POLR3B: variants seen among roughly 807,000 people sequenced by gnomAD.
The protein encoded by POLR3B is RNA polymerase III subunit B.
POLR3B carries 96 observed loss-of-function variants against 147.4 expected under a neutral mutation model. That is an observed-to-expected ratio of 0.65 (90% CI 0.55 to 0.77). The LOEUF (loss-of-function observed/expected upper bound fraction) is 0.77, where lower values mean the gene tolerates loss of function less well. Among genes scored for constraint, POLR3B ranks in the 30% least tolerant of loss-of-function variants. POLR3B has a pLI of 0.00. For missense variants in POLR3B, 1,036 were observed against 1,413.5 expected (o/e 0.73, Z 4.28); for synonymous variants, 461 against 485.9 (o/e 0.95, Z 0.67).
chr12:106,421,738 C>T (rs555086488), intron 12 of POLR3B, among the ~76,000 whole-genome samples: 10 of 152,062 alleles, frequency 6.6e-5, no homozygotes, highest in South Asian at 4.1e-4. Context: ...CTGGCTCTAT[C>T]GCCCAGGCTG....
intron 10 of POLR3B, among the ~76,000 whole-genome samples, chr12:106,393,591 A>G (rs937498991): frequency 1.3e-5 from 2 of 148,438 alleles, no homozygotes; most frequent in Non-Finnish European, 3.0e-5. Flanking sequence ...TGCTTTAGGC[A>G]TCCAGTTGTA....
At chr12:106,371,293 G>A (rs1219764772) in intron 6 of POLR3B, among the ~76,000 whole-genome samples, 2 of 152,160 alleles carry the variant, frequency 1.3e-5, no homozygotes, top group Non-Finnish European at 2.9e-5. Flanking sequence ...GAAACAACAG[G>A]TGCTGGAGAG....
chr12:106,388,064 A>G (rs1442055860), intron 9 of POLR3B, among the ~76,000 whole-genome samples: 1 of 152,244 alleles, frequency 6.6e-6, no homozygotes, highest in African/African-American at 2.4e-5. Flanking sequence ...TGACAGGAAC[A>G]GCAGGGTTTC....
chr12:106,468,148 C>G (rs2038033016), intron 23 of POLR3B, among the ~76,000 whole-genome samples: 3 of 152,134 alleles, frequency 2.0e-5, no homozygotes, highest in Non-Finnish European at 4.4e-5. Flanking sequence ...TTGGTCTATT[C>G]AGAGATTCAA....
intron 10 of POLR3B, 142 bp downstream of exon 10, chr12:106,393,295 CT>C: frequency 8.1e-7 from 1 of 1,233,928 alleles, no homozygotes; most frequent in South Asian, 1.2e-5. Context: ...AGTGAAGTTT[CT>C]TTAACTCACT....
chr12:106,405,592 C>A (rs559417528), intron 10 of POLR3B, among the ~76,000 whole-genome samples: 15 of 125,070 alleles, frequency 1.2e-4, no homozygotes, highest in East Asian at 8.1e-4. Flanking sequence ...ATATATTTTA[C>A]TTGTGTCTGT....
chr12:106,463,392 A>T lies in POLR3B; in HGVS notation c.2571-86A>T, dbSNP rs370490924. 960 of 1,148,368 alleles carry T rather than the reference A, an allele frequency of 8.4e-4. 2 individuals are homozygous for T. In the African/African-American group the frequency reaches 9.6e-3, roughly 11 times the overall value. The allele number at this position is 1,148,368 out of a possible 1,614,324, so 71.1% of individuals were successfully genotyped here. A position where few individuals can be genotyped will look rare whatever the true frequency, so the allele number is the denominator to read the frequency against. Reference sequence around the variant, plus strand: ...TGAAAATGTCAGAATACTCTATGGTAGGCATGAAATGAAATATAACATGGG... The same window carrying T: ...TGAAAATGTCAGAATACTCTATGGTTGGCATGAAATGAAATATAACATGGG... On this transcript the variant is annotated intron_variant, in intron 22 of 27. Transcript: ENST00000228347.
At chr12:106,392,168 A>AT (rs1204618642) in intron 9 of POLR3B, among the ~76,000 whole-genome samples, 2 of 150,970 alleles carry the variant, frequency 1.3e-5, no homozygotes, top group African/African-American at 2.4e-5. Context: ...TTATTTTCTT[A>AT]TTTTTTTTCC....
At chr12:106,489,268 G>T (rs1158651483) in intron 23 of POLR3B, among the ~76,000 whole-genome samples, 2 of 152,344 alleles carry the variant, frequency 1.3e-5, no homozygotes, top group East Asian at 1.9e-4. Flanking sequence ...TTTAAATGGA[G>T]TGAAGTCAAC....
chr12:106,468,044 T>C (rs2038031307), intron 23 of POLR3B, among the ~76,000 whole-genome samples: 1 of 152,238 alleles, frequency 6.6e-6, no homozygotes, highest in African/African-American at 2.4e-5. Flanking sequence ...CTCCTCTTTG[T>C]ACCTCTGGTA....
intron 23 of POLR3B, among the ~76,000 whole-genome samples, chr12:106,466,939 T>A (rs1195992329): frequency 6.6e-6 from 1 of 152,228 alleles, no homozygotes; most frequent in Non-Finnish European, 1.5e-5. Context: ...ATGTGGGCTC[T>A]TTTTTGGTTC....
intron 16 of POLR3B, among the ~76,000 whole-genome samples, chr12:106,435,873 A>G (rs1486748592): frequency 6.6e-6 from 1 of 152,214 alleles, no homozygotes; most frequent in African/African-American, 2.4e-5. Context: ...CAACTTTATA[A>G]TGGCATAACA....
intron 14 of POLR3B, among the ~76,000 whole-genome samples, chr12:106,431,094 T>C (rs577660774): frequency 6.6e-6 from 1 of 152,320 alleles, no homozygotes; most frequent in African/African-American, 2.4e-5. Flanking sequence ...CACCATTGTA[T>C]CTCAAGCTCC....
At chr12:106,458,288 AG>A (rs1407214757) in intron 21 of POLR3B, among the ~76,000 whole-genome samples, 1 of 151,654 alleles carries the variant, frequency 6.6e-6, no homozygotes, top group African/African-American at 2.4e-5. Flanking sequence ...ATGCCTGGAT[AG>A]TTTTTTGTAT....
intron 9 of POLR3B, among the ~76,000 whole-genome samples, chr12:106,383,482 TAAG>T (rs541743329): frequency 2.0e-5 from 3 of 152,176 alleles, no homozygotes; most frequent in Non-Finnish European, 4.4e-5. Context: ...CTTGCACACT[TAAG>T]AAGCCATTCT....
chr12:106,468,129 A>C (rs1013290341), intron 23 of POLR3B, among the ~76,000 whole-genome samples: 3 of 152,094 alleles, frequency 2.0e-5, no homozygotes, highest in Non-Finnish European at 2.9e-5. Context: ...TTAATTTCAA[A>C]ACCTGTTATT....
intron 6 of POLR3B, among the ~76,000 whole-genome samples, chr12:106,375,522 G>A (rs1360455363): frequency 6.6e-6 from 1 of 151,900 alleles, no homozygotes; most frequent in Non-Finnish European, 1.5e-5. Context: ...CCATCTCTAC[G>A]TCTTTCTGAA....
chr12:106,389,760 C>T (rs373867067), intron 9 of POLR3B, among the ~76,000 whole-genome samples: 10 of 152,244 alleles, frequency 6.6e-5, no homozygotes, highest in East Asian at 3.9e-4. Flanking sequence ...TGGTCATGGT[C>T]GCCTGTGCCT....
chr12:106,434,897 G>T (rs527948362), intron 16 of POLR3B, among the ~76,000 whole-genome samples: 92 of 152,088 alleles, frequency 6.0e-4, no homozygotes, highest in Non-Finnish European at 1.1e-3. Context: ...TCAGCCAGGG[G>T]TTGGGCATAT....
Sources: allele counts gnomAD v4.1 joint callset (sites outside exome capture counted in the v4.1 genomes callset), GRCh38; gene constraint gnomAD v4.1.1; transcripts MANE v1.5; gene names NCBI Gene and HGNC (gene_info 2026-07-23, HGNC 2026-07-21).